The following PDE4D variants were observed in gnomAD, a reference collection of about 807,000 sequenced individuals.
PDE4D encodes phosphodiesterase 4D.
PDE4D carries 24 observed loss-of-function variants against 87.4 expected under a neutral mutation model. That is an observed-to-expected ratio of 0.27 (90% CI 0.20 to 0.39). The LOEUF (loss-of-function observed/expected upper bound fraction) is 0.39, where lower values mean the gene tolerates loss of function less well. Ranked by LOEUF, PDE4D falls within the 10% of genes least tolerant of loss-of-function variation. The pLI is 1.00. For synonymous variants in PDE4D, 384 were observed against 383.2 expected (o/e 1.00, Z -0.02); for missense variants, 714 against 1,041.0 (o/e 0.69, Z 4.32).
At chr5:60,135,531 G>A (rs1338077194) in intron 2 of PDE4D, among the ~76,000 whole-genome samples, 4 of 152,136 alleles carry the variant, frequency 2.6e-5, no homozygotes, top group East Asian at 1.9e-4. Context: ...AAAAACCATC[G>A]AATACCAGAA....
At chr5:59,149,718 T>TTG (rs1186019448) in intron 5 of PDE4D, among the ~76,000 whole-genome samples, 3 of 148,038 alleles carry the variant, frequency 2.0e-5, no homozygotes, top group Non-Finnish European at 4.5e-5. Context: ...TTTTTTTTTT[T>TTG]TTTTTTTTTT....
chr5:59,053,121 CA>C (rs1761785140), intron 5 of PDE4D, among the ~76,000 whole-genome samples: 1 of 151,974 alleles, frequency 6.6e-6, no homozygotes, highest in East Asian at 1.9e-4. Flanking sequence ...AAACTGTAGT[CA>C]CTAAGGTAAG....
chr5:59,036,327 A>G (rs996172589), intron 6 of PDE4D, among the ~76,000 whole-genome samples: 6 of 152,244 alleles, frequency 3.9e-5, no homozygotes, highest in African/African-American at 1.4e-4. Context: ...TAATTTTTCA[A>G]AGGCTAAAGG....
Position 60,074,016 on chromosome 5 carries a change from C to G in PDE4D, c.43-85299G>C, listed in dbSNP as rs557371892. Among the ~76,000 whole-genome samples the G allele has an allele frequency of 3.9e-5, 6 of 152,182 alleles. No homozygotes were observed. In the South Asian group the frequency reaches 1.0e-3, roughly 26 times the overall value. ...ATCTTTTGAATGGCTTTTCATGTCT[C>G]AATTTCCTTCAATTCAGCTCTGATT... On this transcript the variant is annotated intron_variant, in intron 2 of 16. Transcript: ENST00000502484.
intron 11 of PDE4D, among the ~76,000 whole-genome samples, chr5:58,986,068 G>A (rs1746355780): frequency 6.6e-6 from 1 of 152,180 alleles, no homozygotes; most frequent in Admixed American, 6.5e-5. Context: ...GCAATCCAAA[G>A]CTACTCTGGC....
intron 3 of PDE4D, among the ~76,000 whole-genome samples, chr5:59,919,201 CAA>C (rs1754403903): frequency 6.6e-6 from 1 of 152,136 alleles, no homozygotes; most frequent in Non-Finnish European, 1.5e-5. Context: ...TTGGTAACGT[CAA>C]GTCTCCTTAG....
intron 2 of PDE4D, 63 bp downstream of exon 2, chr5:59,215,713 AT>A: frequency 7.4e-7 from 1 of 1,349,514 alleles, no homozygotes; most frequent in South Asian, 1.2e-5. Flanking sequence ...TAGTTTTATT[AT>A]GTCATCAGCT....
chr5:60,022,246 C>A (rs1582219449), intron 2 of PDE4D, among the ~76,000 whole-genome samples: 2 of 152,132 alleles, frequency 1.3e-5, no homozygotes, highest in African/African-American at 4.8e-5. Context: ...AGAAGATGGG[C>A]TAAAAACGTT....
intron 5 of PDE4D, among the ~76,000 whole-genome samples, chr5:59,145,394 G>A (rs972674796): frequency 6.6e-6 from 1 of 152,140 alleles, no homozygotes; most frequent in African/African-American, 2.4e-5. Flanking sequence ...AAGGGGACAG[G>A]TTCTTTTCAC....
At chr5:59,779,167 A>C (rs985789675) in intron 1 of PDE4D, among the ~76,000 whole-genome samples, 1 of 152,018 alleles carries the variant, frequency 6.6e-6, no homozygotes, top group Non-Finnish European at 1.5e-5. Flanking sequence ...GTCTCGGAAA[A>C]AAAAAAAAGA....
chr5:59,199,197 G>A (rs1746163332), intron 2 of PDE4D, among the ~76,000 whole-genome samples: 1 of 151,812 alleles, frequency 6.6e-6, no homozygotes, highest in Non-Finnish European at 1.5e-5. Flanking sequence ...CATGACAAAT[G>A]AATGCATGAA....
chr5:59,974,157 C>A (rs1289700252), intron 3 of PDE4D, among the ~76,000 whole-genome samples: 1 of 152,046 alleles, frequency 6.6e-6, no homozygotes, highest in Non-Finnish European at 1.5e-5. Context: ...CAATTTTATT[C>A]TTTATTTTAT....
At chr5:59,259,768 TAC>T (rs1327158829) in intron 1 of PDE4D, among the ~76,000 whole-genome samples, 1 of 151,888 alleles carries the variant, frequency 6.6e-6, no homozygotes, top group Non-Finnish European at 1.5e-5. Flanking sequence ...AAGCAACGGT[TAC>T]ACAGAGTCCC....
intron 1 of PDE4D, among the ~76,000 whole-genome samples, chr5:60,415,070 T>G (rs1742368871): frequency 6.6e-6 from 1 of 152,248 alleles, no homozygotes; most frequent in Non-Finnish European, 1.5e-5. Context: ...GTGAGACAAC[T>G]GGAAGTCCAA....
At chr5:60,426,046 G>A (rs1346683272) in intron 1 of PDE4D, among the ~76,000 whole-genome samples, 1 of 152,196 alleles carries the variant, frequency 6.6e-6, no homozygotes, top group Admixed American at 6.5e-5. Context: ...AGATGCTGGA[G>A]AGGATGTGGA....
At chr5:59,484,359 C>A (rs558918488) in intron 1 of PDE4D, among the ~76,000 whole-genome samples, 7 of 152,260 alleles carry the variant, frequency 4.6e-5, no homozygotes, top group African/African-American at 1.4e-4. Context: ...TACAGACAAC[C>A]ACTTAGCATA....
chr5:59,864,334 C>T (rs113881035), intron 1 of PDE4D, among the ~76,000 whole-genome samples: 266 of 152,228 alleles, frequency 1.7e-3, no homozygotes, highest in African/African-American at 5.9e-3. Context: ...CAATTGAAAT[C>T]GTAAATGTGT....
intron 5 of PDE4D, among the ~76,000 whole-genome samples, chr5:59,145,761 G>A (rs184592351): frequency 2.0e-5 from 3 of 152,254 alleles, no homozygotes; most frequent in African/African-American, 4.8e-5. Flanking sequence ...GGTGTTTCTA[G>A]TGAACATAAA....
rs78365854 is a variant in PDE4D at position 59,752,805 on chromosome 5, G to C, written c.455+140363C>G. 4.5e-3 allele frequency among the ~76,000 whole-genome samples: 686 copies of C among 152,222 alleles called. 8 individuals carry two copies. Among genetic ancestry groups the C allele is most frequent in the African/African-American group, 0.016 (652 of 41,554 alleles). ...CCTGCTCTAGATTCGGCTTCAAAAC[G>C]AAGGATGTGAAGTATCCATAGGACA... On this transcript the variant is annotated intron_variant, in intron 1 of 14. Coordinates refer to ENST00000340635, the MANE Select transcript of PDE4D (RefSeq NM_001104631.2).
Sources: allele counts gnomAD v4.1 joint callset (sites outside exome capture counted in the v4.1 genomes callset), GRCh38; gene constraint gnomAD v4.1.1; transcripts MANE v1.5; gene names NCBI Gene and HGNC (gene_info 2026-07-23, HGNC 2026-07-21).